The following HYCC1 variants were observed in gnomAD, a reference collection of about 807,000 sequenced individuals.
HYCC1 encodes the protein hyccin.
the HYCC1 span, among the ~76,000 whole-genome samples, chr7:22,967,035 G>A: frequency 2.2e-4 from 33 of 152,286 alleles, 2 homozygotes; most frequent in East Asian, 5.6e-3. Flanking sequence ...AGGGATGATT[G>A]TATGGTTGTA....
At chr7:22,977,289 G>A in the HYCC1 span, 2 of 1,097,552 alleles carry the variant, frequency 1.8e-6, no homozygotes, top group East Asian at 4.7e-5. Context: ...ATAACTTGTG[G>A]CAATATCAAA....
the HYCC1 span, among the ~76,000 whole-genome samples, chr7:22,932,398 C>A: frequency 1.3e-5 from 2 of 152,130 alleles, no homozygotes; most frequent in African/African-American, 4.8e-5. Flanking sequence ...GAGAATTATT[C>A]TTACATCTTG....
the HYCC1 span, among the ~76,000 whole-genome samples, chr7:22,933,960 A>C: frequency 6.6e-6 from 1 of 152,182 alleles, no homozygotes; most frequent in African/African-American, 2.4e-5. Flanking sequence ...GGTGGCAGGC[A>C]GACTGCATTA....
chr7:22,954,478 T>G, the HYCC1 span, among the ~76,000 whole-genome samples: 1 of 150,656 alleles, frequency 6.6e-6, no homozygotes, highest in Admixed American at 6.6e-5. Flanking sequence ...CACTTTTTTG[T>G]TTTTTTTAAA....
the HYCC1 span, among the ~76,000 whole-genome samples, chr7:22,902,361 T>TAA: frequency 1.7e-4 from 26 of 149,794 alleles, no homozygotes; most frequent in African/African-American, 1.9e-4. Flanking sequence ...TTTAAGAAGC[T>TAA]AAAAAAAAAC....
chr7:22,994,465 G>A, the HYCC1 span, among the ~76,000 whole-genome samples: 2 of 151,952 alleles, frequency 1.3e-5, no homozygotes, highest in African/African-American at 4.8e-5. Context: ...TCTAGGTGCT[G>A]GTTACTCAAG....
the HYCC1 span, among the ~76,000 whole-genome samples, chr7:22,930,537 G>C: frequency 1.3e-5 from 2 of 151,908 alleles, no homozygotes; most frequent in African/African-American, 4.8e-5. Context: ...GGTGAATTCT[G>C]CCAAACATTT....
the HYCC1 span, among the ~76,000 whole-genome samples, chr7:22,928,432 A>G: frequency 6.6e-6 from 1 of 152,230 alleles, no homozygotes; most frequent in Non-Finnish European, 1.5e-5. Flanking sequence ...TATATCTAGA[A>G]AACCCCATAG....
At chr7:22,923,654 G>A in the HYCC1 span, among the ~76,000 whole-genome samples, 2 of 152,034 alleles carry the variant, frequency 1.3e-5, no homozygotes, top group Non-Finnish European at 2.9e-5. Context: ...CCTTTAGCTA[G>A]ACTGAATAAG....
At chr7:22,963,113 C>T in the HYCC1 span, among the ~76,000 whole-genome samples, 1 of 152,136 alleles carries the variant, frequency 6.6e-6, no homozygotes, top group South Asian at 2.1e-4. Flanking sequence ...ATATTTACCT[C>T]AGTCTCTACT....
chr7:22,964,358 A>C, the HYCC1 span: 1 of 964,878 alleles, frequency 1.0e-6, no homozygotes, highest in Non-Finnish European at 1.7e-6. Flanking sequence ...ATAGATGAAC[A>C]GACTATAATT....
At chr7:22,998,406 G>T in the HYCC1 span, among the ~76,000 whole-genome samples, 1 of 152,032 alleles carries the variant, frequency 6.6e-6, no homozygotes, top group East Asian at 1.9e-4. Flanking sequence ...TGGGAACTAT[G>T]GCACTACGAT....
the HYCC1 span, among the ~76,000 whole-genome samples, chr7:23,007,497 T>C: frequency 6.6e-6 from 1 of 152,244 alleles, no homozygotes; most frequent in Non-Finnish European, 1.5e-5. Context: ...ATCTTTATAA[T>C]TGTATTCAGT....
At chr7:22,896,051 C>A in the HYCC1 span, among the ~76,000 whole-genome samples, 1 of 152,176 alleles carries the variant, frequency 6.6e-6, no homozygotes, top group African/African-American at 2.4e-5. Flanking sequence ...ATAGGCTTTG[C>A]AAATTCCAGC....
the HYCC1 span, among the ~76,000 whole-genome samples, chr7:22,929,827 C>T: frequency 6.6e-6 from 1 of 152,134 alleles, no homozygotes; most frequent in African/African-American, 2.4e-5. Flanking sequence ...TTTGACCCAG[C>T]CATCCCATTA....
chr7:22,914,509 T>A, the HYCC1 span, among the ~76,000 whole-genome samples: 3 of 152,108 alleles, frequency 2.0e-5, no homozygotes, highest in Non-Finnish European at 4.4e-5. Context: ...CGATACAAAC[T>A]TGATAATGGT....
the HYCC1 span, chr7:22,935,405 T>A: frequency 6.6e-6 from 1 of 152,126 alleles, no homozygotes; most frequent in African/African-American, 2.4e-5. Context: ...TCCCTGTGTA[T>A]GGGGGAGAGT....
the HYCC1 span, among the ~76,000 whole-genome samples, chr7:23,002,118 G>A: frequency 7.7e-6 from 1 of 129,412 alleles, no homozygotes; most frequent in Admixed American, 8.2e-5. Flanking sequence ...TTGTCAAGAA[G>A]AAATAATGGT....
chr7:22,898,165 C>T, the HYCC1 span, among the ~76,000 whole-genome samples: 1 of 151,792 alleles, frequency 6.6e-6, no homozygotes. Flanking sequence ...CCCACCTCAG[C>T]GTCCCAAGTA....
Sources: gnomAD v4.1 joint callset for allele counts (sites outside exome capture counted in the v4.1 genomes callset) on GRCh38, gnomAD v4.1.1 for gene constraint, MANE v1.5 for transcripts, NCBI Gene and HGNC (gene_info 2026-07-23, HGNC 2026-07-21) for gene names.